Variants in ZCCHC7 observed in about 807,000 individuals in gnomAD.
The protein encoded by ZCCHC7 is zinc finger CCHC domain-containing protein 7.
In ZCCHC7, 35 loss-of-function variants were observed where a neutral mutation model predicts 52.0. The observed-to-expected ratio is 0.67, with a 90% CI of 0.51 to 0.89. The LOEUF is 0.89. Ranked by LOEUF, ZCCHC7 falls within the 40% of genes least tolerant of loss-of-function variation. The pLI, the probability that ZCCHC7 is intolerant of heterozygous loss-of-function variation, is 0.00. For missense variants in ZCCHC7, 574 were observed against 649.1 expected, an observed-to-expected ratio of 0.88 and a Z score of 1.26; for synonymous variants, 217 against 221.5, an observed-to-expected ratio of 0.98 and a Z score of 0.18.
chr9:37,205,313 G>C (rs1200037070), intron 2 of ZCCHC7: 1 of 181,704 alleles, frequency 5.5e-6, no homozygotes, highest in African/African-American at 2.4e-5. Flanking sequence ...CTTTCTTGTA[G>C]CTTCACGTGT....
intron 2 of ZCCHC7, among the ~76,000 whole-genome samples, chr9:37,138,060 G>GGA (rs1564136165): frequency 4.6e-5 from 7 of 152,148 alleles, no homozygotes; most frequent in Non-Finnish European, 1.0e-4. Flanking sequence ...GCTTTTGTAA[G>GGA]CCTGTACTGC....
intron 2 of ZCCHC7, among the ~76,000 whole-genome samples, chr9:37,210,839 T>C (rs1243875238): frequency 6.6e-6 from 1 of 152,252 alleles, no homozygotes; most frequent in South Asian, 2.1e-4. Context: ...TATTTTGGTT[T>C]CTTTAAAATA....
At chr9:37,120,565 T>G (rs1288412378), upstream of ZCCHC7, 1 of 399,050 alleles carries the variant, frequency 2.5e-6, no homozygotes, top group Non-Finnish European at 4.4e-6. Context: ...TCCTCGCCCC[T>G]CCCCGTCCCT....
At chr9:37,204,772 A>G (rs1008070180) in intron 2 of ZCCHC7, among the ~76,000 whole-genome samples, 4 of 151,946 alleles carry the variant, frequency 2.6e-5, no homozygotes, top group Non-Finnish European at 4.4e-5. Flanking sequence ...TTTGCTTAGG[A>G]TTGTCTTGGT....
At chr9:37,296,138 A>T (rs1644644779) in intron 2 of ZCCHC7, among the ~76,000 whole-genome samples, 1 of 152,240 alleles carries the variant, frequency 6.6e-6, no homozygotes, top group Non-Finnish European at 1.5e-5. Context: ...CTTAAAAGAT[A>T]TTCAAAGTTT....
At chr9:37,274,246 C>G (rs1446741944) in intron 2 of ZCCHC7, among the ~76,000 whole-genome samples, 1 of 151,118 alleles carries the variant, frequency 6.6e-6, no homozygotes, top group African/African-American at 2.4e-5. Flanking sequence ...AATTCTGAAC[C>G]ATTTGAGATT....
At chr9:37,349,066 A>G (rs1821198259) in intron 6 of ZCCHC7, among the ~76,000 whole-genome samples, 1 of 152,162 alleles carries the variant, frequency 6.6e-6, no homozygotes, top group Non-Finnish European at 1.5e-5. Flanking sequence ...TATGCCTCTC[A>G]TGTTCTGCTG....
intron 5 of ZCCHC7, among the ~76,000 whole-genome samples, chr9:37,324,540 A>G (rs1005280445): frequency 6.6e-6 from 1 of 152,204 alleles, no homozygotes; most frequent in Non-Finnish European, 1.5e-5. Context: ...GATTGTGAAC[A>G]TATTTCCTGA....
intron 6 of ZCCHC7, among the ~76,000 whole-genome samples, chr9:37,344,997 T>C (rs1820871901): frequency 6.6e-6 from 1 of 152,210 alleles, no homozygotes; most frequent in Non-Finnish European, 1.5e-5. Context: ...CACAGCCTAG[T>C]TTCTAGGAAA....
At chr9:37,205,622 T>C (rs1215647123) in intron 2 of ZCCHC7, among the ~76,000 whole-genome samples, 1 of 152,204 alleles carries the variant, frequency 6.6e-6, no homozygotes, top group Non-Finnish European at 1.5e-5. Context: ...GTTCAAGCAA[T>C]TCTCCTGCCT....
At chr9:37,307,192 A>G (rs1469452138) in intron 5 of ZCCHC7, among the ~76,000 whole-genome samples, 1 of 152,062 alleles carries the variant, frequency 6.6e-6, no homozygotes, top group Non-Finnish European at 1.5e-5. Context: ...TTTGGACACT[A>G]TTTGCATTGT....
intron 5 of ZCCHC7, among the ~76,000 whole-genome samples, chr9:37,310,916 C>G (rs2133747532): frequency 6.9e-6 from 1 of 145,770 alleles, no homozygotes; most frequent in Admixed American, 6.9e-5. Context: ...GTGATCACAT[C>G]ACTGCACTCC....
intron 7 of ZCCHC7, among the ~76,000 whole-genome samples, chr9:37,350,598 A>T (rs138094280): frequency 1.3e-5 from 2 of 152,348 alleles, no homozygotes; most frequent in African/African-American, 4.8e-5. Context: ...TCCAGCCAAC[A>T]TATTCCCTAA....
chr9:37,200,106 G>A (rs6476617), intron 2 of ZCCHC7, among the ~76,000 whole-genome samples: 56,453 of 151,906 alleles, frequency 0.37, 10,929 homozygotes, highest in African/African-American at 0.45. Flanking sequence ...TGGGTTACAC[G>A]TTCTTTTATT....
At chr9:37,305,035 C>T (rs767265381) in intron 4 of ZCCHC7, among the ~76,000 whole-genome samples, 7 of 152,196 alleles carry the variant, frequency 4.6e-5, no homozygotes, top group South Asian at 2.1e-4. Flanking sequence ...TAAGCAGGTA[C>T]ATCAACCTTT....
chr9:37,276,778 G>A (rs1412972322), intron 2 of ZCCHC7, among the ~76,000 whole-genome samples: 4 of 152,174 alleles, frequency 2.6e-5, no homozygotes, highest in African/African-American at 9.7e-5. Context: ...TTTCTCTGAT[G>A]TAGAGGATTT....
intron 5 of ZCCHC7, among the ~76,000 whole-genome samples, chr9:37,306,144 T>C (rs1202365999): frequency 1.3e-5 from 2 of 152,062 alleles, no homozygotes; most frequent in Non-Finnish European, 2.9e-5. Flanking sequence ...CTCGGCTCAT[T>C]GCAACTTCTG....
At chr9:37,185,583 A>G (rs1822609037) in intron 2 of ZCCHC7, among the ~76,000 whole-genome samples, 1 of 152,136 alleles carries the variant, frequency 6.6e-6, no homozygotes, top group Non-Finnish European at 1.5e-5. Flanking sequence ...TAGAGCTCTG[A>G]GGGAGGCCTG....
chr9:37,346,856 C>T (rs1028632491), intron 6 of ZCCHC7, among the ~76,000 whole-genome samples: 15 of 151,938 alleles, frequency 9.9e-5, no homozygotes, highest in Admixed American at 7.9e-4. Flanking sequence ...AGTAGCCAGG[C>T]GTAGTGGTGC....
Sources: allele counts gnomAD v4.1 joint callset (sites outside exome capture counted in the v4.1 genomes callset), GRCh38; gene constraint gnomAD v4.1.1; transcripts MANE v1.5; gene names NCBI Gene and HGNC (gene_info 2026-07-23, HGNC 2026-07-21).